LRBA: variants seen among roughly 807,000 people sequenced by gnomAD.
LRBA encodes LPS responsive beige-like anchor protein.
Under a neutral mutation model 330.0 loss-of-function variants are expected in LRBA, and 176 were observed. That is an observed-to-expected ratio of 0.53 (90% confidence interval 0.47 to 0.60). The LOEUF (loss-of-function observed/expected upper bound fraction) is 0.60, where lower values mean the gene tolerates loss of function less well. Among genes scored for constraint, LRBA ranks in the 20% least tolerant of loss-of-function variants. The pLI is 0.00. For synonymous variants in LRBA, 1,230 were observed against 1,193.0 expected (o/e 1.03, Z -0.64); for missense variants, 3,259 against 3,444.8 (o/e 0.95, Z 1.35).
intron 47 of LRBA, among the ~76,000 whole-genome samples, chr4:150,352,622 G>A (rs1327033871): frequency 1.3e-5 from 2 of 152,128 alleles, no homozygotes; most frequent in East Asian, 3.8e-4. Flanking sequence ...AAGAAGAGAG[G>A]AGCTTGTGAT....
chr4:150,280,458 G>A (rs1747357344), intron 55 of LRBA, among the ~76,000 whole-genome samples: 2 of 152,188 alleles, frequency 1.3e-5, no homozygotes, highest in South Asian at 4.1e-4. Flanking sequence ...CCCTTGTTTA[G>A]GACAAAATAA....
chr4:150,799,783 C>T (rs910218917), intron 33 of LRBA, among the ~76,000 whole-genome samples: 38 of 152,180 alleles, frequency 2.5e-4, no homozygotes, highest in Admixed American at 1.1e-3. Context: ...CTCGCTCTGT[C>T]ACCCAGGCTG....
chr4:150,849,108 C>A (rs1750267310), intron 25 of LRBA, 110 bp from the exon 26 acceptor site: 1 of 706,222 alleles, frequency 1.4e-6, no homozygotes, highest in Admixed American at 3.2e-5. Context: ...TTTCAGAAAC[C>A]TAGTAACACA....
chr4:150,322,930 A>G (rs577390266), intron 49 of LRBA, among the ~76,000 whole-genome samples: 36 of 151,876 alleles, frequency 2.4e-4, no homozygotes, highest in African/African-American at 8.7e-4. Context: ...CCTGGTGTAT[A>G]TTATGGTTCA....
At chr4:150,918,487 G>A (rs1200512130) in intron 5 of LRBA, among the ~76,000 whole-genome samples, 2 of 152,262 alleles carry the variant, frequency 1.3e-5, no homozygotes, top group African/African-American at 2.4e-5. Context: ...GGTGGCTCAC[G>A]CCTATAATCC....
At chr4:150,802,069 CATT>C (rs969663931) in intron 33 of LRBA, among the ~76,000 whole-genome samples, 3 of 149,668 alleles carry the variant, frequency 2.0e-5, no homozygotes, top group African/African-American at 7.3e-5. Flanking sequence ...TTTTTTAAAA[CATT>C]AGACGAGCAT....
intron 33 of LRBA, among the ~76,000 whole-genome samples, chr4:150,802,648 C>CTACA (rs769898565): frequency 5.9e-5 from 9 of 152,040 alleles, no homozygotes; most frequent in Non-Finnish European, 1.0e-4. Context: ...GACAATCAGG[C>CTACA]TACAGGTGAT....
At chr4:150,491,493 T>C (rs974713337) in intron 40 of LRBA, among the ~76,000 whole-genome samples, 3 of 152,120 alleles carry the variant, frequency 2.0e-5, no homozygotes, top group African/African-American at 7.2e-5. Context: ...AATACAAATA[T>C]ATTAAGTTCA....
chr4:150,517,789 G>A (rs1268668048), intron 40 of LRBA, among the ~76,000 whole-genome samples: 1 of 152,092 alleles, frequency 6.6e-6, no homozygotes. Context: ...TCCACTCAGA[G>A]GTATGTTTCA....
chr4:150,839,536 A>C lies in LRBA; in HGVS notation c.4569+4564T>G, dbSNP rs1345069170. Among the ~76,000 whole-genome samples the C allele has an allele frequency of 3.9e-5, 6 of 152,228 alleles. No homozygotes were observed. In the East Asian group the frequency reaches 1.2e-3, roughly 29 times the overall value. Reference sequence around the variant, plus strand: ...GATTAAGAAAATGTGGCACATATACACCATGGAATACTATGCAGCCATAAA... The same window carrying C: ...GATTAAGAAAATGTGGCACATATACCCCATGGAATACTATGCAGCCATAAA... On this transcript the variant is annotated intron_variant, in intron 28 of 56. Coordinates refer to ENST00000651943, the MANE Select transcript of LRBA (RefSeq NM_001364905.1).
At chr4:151,012,368 C>T (rs1308068536) in intron 2 of LRBA, among the ~76,000 whole-genome samples, 7 of 152,210 alleles carry the variant, frequency 4.6e-5, no homozygotes, top group Non-Finnish European at 8.8e-5. Flanking sequence ...AGTTCAAATC[C>T]TCCTTCTGCC....
At chr4:150,903,059 G>A (rs1730928618) in intron 13 of LRBA, among the ~76,000 whole-genome samples, 1 of 152,138 alleles carries the variant, frequency 6.6e-6, no homozygotes, top group African/African-American at 2.4e-5. Context: ...AAACTGCTGG[G>A]GCTAAGAAAT....
chr4:150,852,012 G>A lies in LRBA; in HGVS notation c.3698C>T (p.Ser1233Phe). The A allele has an allele frequency of 1.2e-6, 2 of 1,614,148 alleles. No individual in the cohort carries two copies. The highest frequency in any genetic ancestry group is 1.7e-6 in the Non-Finnish European group (2 of 1,180,006). Residue 1233 changes from serine to phenylalanine, a missense_variant, in exon 23 of 57, where the codon TCT (serine) becomes TTT (phenylalanine). Physicochemically the swap from Ser to Phe is radical, Grantham distance 155. Transcript: ENST00000651943. ...AATCTTTTGCTCAGAAGAAGCCTCA[G>A]AGACACTACCATGACAATCATTAAT... ...KLINDCHGSV[S>F]EASSEQKIAK...
intron 2 of LRBA, among the ~76,000 whole-genome samples, chr4:150,953,425 G>C (rs1737090535): frequency 6.9e-6 from 1 of 145,660 alleles, no homozygotes; most frequent in Non-Finnish European, 1.5e-5. Context: ...GCCAAGGCTG[G>C]ACTGTACTGC....
In LRBA at chr4:150,844,100, T is replaced by A; in HGVS notation, c.4569A>T (p.Ile1523=). Residue 1523 remains isoleucine (I), a splice_region_variant and synonymous_variant, in exon 28 of 57, where the codon ATA becomes ATT. Transcript: ENST00000651943. ...NRLRAVVFRD[I]EDSKQAQFLA... ...ATGTGAAAGACATATTGTAACTTAC[T>A]ATGTCTCTGAAAACAACTGCCCTAA... 1 of 1,578,696 alleles carries A rather than the reference T, an allele frequency of 6.3e-7. No individual in the cohort carries two copies. Among genetic ancestry groups the A allele is most frequent in the Non-Finnish European group, 8.7e-7 (1 of 1,149,440 alleles).
At chr4:150,449,667 T>C (rs981561567) in intron 44 of LRBA, among the ~76,000 whole-genome samples, 5 of 152,204 alleles carry the variant, frequency 3.3e-5, no homozygotes, top group Middle Eastern at 3.4e-3. Context: ...TTGAAGTTTA[T>C]ACTGTATTTA....
intron 34 of LRBA, among the ~76,000 whole-genome samples, chr4:150,776,653 A>T (rs1331962845): frequency 1.3e-5 from 2 of 152,036 alleles, no homozygotes; most frequent in Non-Finnish European, 2.9e-5. Flanking sequence ...TCTCTACTGA[A>T]AATACAAAAA....
At chr4:150,675,317 T>C (rs1253141880) in intron 37 of LRBA, among the ~76,000 whole-genome samples, 1 of 152,226 alleles carries the variant, frequency 6.6e-6, no homozygotes, top group Non-Finnish European at 1.5e-5. Context: ...CTTGGTCAAG[T>C]AACAAACTTT....
At chr4:150,745,618 C>A (rs1440072520) in intron 35 of LRBA, among the ~76,000 whole-genome samples, 1 of 152,116 alleles carries the variant, frequency 6.6e-6, no homozygotes, top group African/African-American at 2.4e-5. Context: ...CTGGTTCAAG[C>A]AATTCTCCTG....
Sources: allele counts gnomAD v4.1 joint callset (sites outside exome capture counted in the v4.1 genomes callset), GRCh38; gene constraint gnomAD v4.1.1; transcripts MANE v1.5; gene names NCBI Gene and HGNC (gene_info 2026-07-23, HGNC 2026-07-21).